ZDBF2: variants seen among roughly 807,000 people sequenced by gnomAD.
ZDBF2 encodes DBF4-type zinc finger-containing protein 2.
Under a neutral mutation model 9.4 loss-of-function variants are expected in ZDBF2, and 6 were observed. That is an observed-to-expected ratio of 0.64 (90% confidence interval 0.35 to 1.27). The LOEUF (loss-of-function observed/expected upper bound fraction) is 1.27, where lower values mean the gene tolerates loss of function less well. Ranked by LOEUF, ZDBF2 falls within the 50% of genes most tolerant of loss-of-function variation. The pLI is 0.03. For missense variants in ZDBF2, 2,697 were observed against 2,766.8 expected, an observed-to-expected ratio of 0.97 and a Z score of 0.57; for synonymous variants, 905 against 946.3, an observed-to-expected ratio of 0.96 and a Z score of 0.80.
At chr2:206,293,975 A>G (rs1368952343) in intron 3 of ZDBF2, among the ~76,000 whole-genome samples, 1 of 152,194 alleles carries the variant, frequency 6.6e-6, no homozygotes, top group Admixed American at 6.5e-5. Context: ...AGTAATAGCC[A>G]AAAGCTAGAA....
At chr2:206,289,391 C>T (rs1170036320) in intron 3 of ZDBF2, among the ~76,000 whole-genome samples, 1 of 152,112 alleles carries the variant, frequency 6.6e-6, no homozygotes, top group African/African-American at 2.4e-5. Flanking sequence ...CTTCTTTGAG[C>T]CGCTGAGGTA....
intron 3 of ZDBF2, 37 bp downstream of exon 3, chr2:206,281,946 G>T (rs765281261): frequency 6.4e-7 from 1 of 1,551,976 alleles, no homozygotes; most frequent in South Asian, 1.2e-5. Flanking sequence ...TATCTCAAAG[G>T]ACCTAGTTGT....
rs1284779814 is a variant in ZDBF2, at chr2:206,306,466, A to G, written c.1938A>G (p.Ile646Met). ...ADESQRAVEK[I>M]NLLKEKNADL... The stretch of plus-strand genomic sequence containing the variant: ...AATCCCAGAGGGCTGTTGAAAAGAT[A>G]AATCTTCTGAAGGAGAAGAATGCTG... Residue 646 changes from isoleucine to methionine, a missense_variant, in exon 5 of 5, where the codon ATA becomes ATG. Transcript: ENST00000374423. 2 of 1,613,860 alleles carry G rather than the reference A, an allele frequency of 1.2e-6. No homozygotes were observed. Among genetic ancestry groups the G allele is most frequent in the South Asian group, 2.2e-5 (2 of 91,086 alleles).
In ZDBF2 at chr2:206,309,006, C is replaced by G; in HGVS notation, c.4478C>G (p.Pro1493Arg). 1 of 1,613,816 alleles carries G rather than the reference C, an allele frequency of 6.2e-7. No individual in the cohort carries two copies. The highest frequency in any genetic ancestry group is 8.5e-7 in the Non-Finnish European group (1 of 1,179,852). ...HVVMEEKTDQ[P>R]SDSEMMYDSD... ...GTCATGGAAGAAAAGACCGATCAAC[C>G]TAGTGATTCAGAAATGATGTATGAT... The change falls in exon 5 of 5, where the codon CCT becomes CGT. Residue 1493 changes from proline (P) to arginine (R), a missense_variant. Pro to Arg is a moderately radical substitution (Grantham distance 103, BLOSUM62 -2). Transcript: ENST00000374423.
At position 206,306,355 on chromosome 2, in the gene ZDBF2, A is replaced by T. The variant is rs1405751140; in HGVS notation, c.1827A>T (p.Gln609His). The T allele has an allele frequency of 6.2e-7, 1 of 1,613,828 alleles. No homozygotes were observed. The highest frequency in any genetic ancestry group is 2.2e-5 in the East Asian group (1 of 44,882). The change falls in exon 5 of 5, where the codon CAA becomes CAT. Residue 609 changes from glutamine (Q) to histidine (H), a missense_variant. Transcript: ENST00000374423. ...AAGGAAGAAACCTGAAAGGTAGACA[A>T]GTCCACCTAAAACATAAGAAGCGTA... ...TVKGRNLKGR[Q>H]VHLKHKKRKP...
intron 3 of ZDBF2, among the ~76,000 whole-genome samples, chr2:206,283,388 T>G (rs373933993): frequency 0.015 from 2,133 of 146,752 alleles, 34 homozygotes; most frequent in Non-Finnish European, 0.022. Context: ...GTTTTGTTTT[T>G]TGTTGTTGTT....
chr2:206,294,731 G>A (rs1692079076), intron 3 of ZDBF2, among the ~76,000 whole-genome samples: 2 of 152,228 alleles, frequency 1.3e-5, no homozygotes, highest in South Asian at 2.1e-4. Flanking sequence ...CCACTTAAAA[G>A]TGAGAATATG....
chr2:206,308,590 G>C lies in ZDBF2; in HGVS notation c.4062G>C (p.Leu1354=). 4 of 1,613,474 alleles carry C rather than the reference G, an allele frequency of 2.5e-6. No individual in the cohort carries two copies. Among genetic ancestry groups the C allele is most frequent in the Non-Finnish European group, 3.4e-6 (4 of 1,179,850 alleles). ...TTTTGGAAGAGGAGCATGCCAGTCT[G>C]GAAGATAAGAGCAGTAATTCTTATA... The part of the protein sequence containing the change: ...PHILEEEHAS[L]EDKSSNSYSP... Residue 1354 remains leucine (L), a synonymous_variant, in exon 5 of 5, where the codon CTG becomes CTC. Coordinates refer to ENST00000374423, the MANE Select transcript of ZDBF2 (RefSeq NM_020923.3).
rs2105950649 is a variant in ZDBF2 at position 206,305,406 on chromosome 2, G to T, written c.878G>T (p.Gly293Val). Reference protein sequence around the residue: ...SAGLKFHERMGTKGSLRVKSP... With the variant: ...SAGLKFHERMVTKGSLRVKSP... Reference sequence around the variant, plus strand: ...GGCTTGAAATTCCATGAACGCATGGGTACTAAGGGCTCCTTAAGAGTTAAA... The same window carrying T: ...GGCTTGAAATTCCATGAACGCATGGTTACTAAGGGCTCCTTAAGAGTTAAA... The change falls in exon 5 of 5, where the codon GGT (glycine) becomes GTT (valine). Residue 293 changes from glycine (G) to valine (V), a missense_variant. Around this residue, in one of 3 missense-constraint regions of ZDBF2, gnomAD observed 910 missense variants for 973.6 expected, o/e 0.93. Transcript: ENST00000374423. 1 of 1,613,516 alleles carries T rather than the reference G, an allele frequency of 6.2e-7. No homozygotes were observed. The highest frequency in any genetic ancestry group is 8.5e-7 in the Non-Finnish European group (1 of 1,179,724).
Position 206,311,742 on chromosome 2 carries a change from T to C in ZDBF2, c.*149T>C, listed in dbSNP as rs1310234713. ...ATATTATTTTTCAGAATTTTTATAT[T>C]CATTTAAAATTAGTGTTTAGAGTCC... On this transcript the variant is annotated 3_prime_UTR_variant, in exon 5 of 5. Coordinates refer to ENST00000374423, the MANE Select transcript of ZDBF2 (RefSeq NM_020923.3). 3 of 844,730 alleles carry C rather than the reference T, an allele frequency of 3.6e-6. No individual in the cohort carries two copies. Among genetic ancestry groups the C allele is most frequent in the Non-Finnish European group, 4.8e-6 (3 of 621,600 alleles). 52.3% of individuals were successfully genotyped at this position (844,730 alleles called of 1,614,324 possible). A position where few individuals can be genotyped will look rare whatever the true frequency, so the allele number is the denominator to read the frequency against.
At chr2:206,300,044 G>A (rs1692419492) in intron 4 of ZDBF2, among the ~76,000 whole-genome samples, 1 of 152,004 alleles carries the variant, frequency 6.6e-6, no homozygotes, top group Non-Finnish European at 1.5e-5. Context: ...TGGAGGCGGA[G>A]GTTGCGGTGA....
chr2:206,303,171 C>T (rs1193166076), intron 4 of ZDBF2, among the ~76,000 whole-genome samples: 1 of 151,272 alleles, frequency 6.6e-6, no homozygotes, highest in African/African-American at 2.4e-5. Flanking sequence ...CAGGATACCA[C>T]ATTACATTAA....
chr2:206,308,785 G>T lies in ZDBF2; in HGVS notation c.4257G>T (p.Gln1419His), dbSNP rs1242203648. Residue 1419 changes from glutamine (Q) to histidine (H), a missense_variant, in exon 5 of 5, where the codon CAG becomes CAT. Gln to His is a conservative substitution (Grantham distance 24). Coordinates refer to ENST00000374423, the MANE Select transcript of ZDBF2 (RefSeq NM_020923.3). ...DVSYASHIPV[Q>H]FVTDQSSVPV... ...GTTATGCTTCTCATATTCCTGTTCA[G>T]TTTGTGACTGATCAATCTTCTGTAC... The T allele has an allele frequency of 6.2e-7, 1 of 1,613,806 alleles. No homozygotes were observed. The highest frequency in any genetic ancestry group is 1.3e-5 in the African/African-American group (1 of 75,048).
In ZDBF2 at chr2:206,311,550, T is replaced by G. The variant is rs760607069; in HGVS notation, c.7022T>G (p.Met2341Arg). The G allele has an allele frequency of 6.5e-7, 1 of 1,534,570 alleles. No homozygotes were observed. Among genetic ancestry groups the G allele is most frequent in the Non-Finnish European group, 8.7e-7 (1 of 1,142,928 alleles). The change falls in exon 5 of 5, where the codon ATG becomes AGG. Residue 2341 changes from methionine to arginine, a missense_variant. By Grantham distance (91) the Met-to-Arg change is moderately conservative. This residue lies in a region of ZDBF2 where 1,783 missense variants were observed against 1,776.5 expected (regional missense o/e 1.00). Coordinates refer to ENST00000374423, the MANE Select transcript of ZDBF2 (RefSeq NM_020923.3). ...TGTTTACAACAACGTGAGAGAATGA[T>G]GACTCGGCTAGCAAACAAACTGAGA... ...SSCLQQRERM[M>R]TRLANKLRGN...
At chr2:206,288,983 A>G (rs772910924) in intron 3 of ZDBF2, among the ~76,000 whole-genome samples, 1 of 152,118 alleles carries the variant, frequency 6.6e-6, no homozygotes, top group Non-Finnish European at 1.5e-5. Context: ...CAGTACAACA[A>G]TGACTCCATT....
At chr2:206,280,582 A>G (rs1283431588) in intron 2 of ZDBF2, among the ~76,000 whole-genome samples, 1 of 152,216 alleles carries the variant, frequency 6.6e-6, no homozygotes, top group Non-Finnish European at 1.5e-5. Flanking sequence ...TGGAAAAGAG[A>G]CCAAATTTTA....
At position 206,309,715 on chromosome 2, in the gene ZDBF2, T is replaced by C; in HGVS notation, c.5187T>C (p.Arg1729=). Residue 1729 remains arginine, a synonymous_variant, in exon 5 of 5, where the codon CGT becomes CGC. Coordinates refer to ENST00000374423, the MANE Select transcript of ZDBF2 (RefSeq NM_020923.3). The stretch of plus-strand genomic sequence containing the variant: ...ATCGAAGGGCTGATAAAAAAAAACG[T>C]TCGAAGCTAAAACATAGAGATCTAG... ...ALHRRADKKK[R]SKLKHRDLEV... is the part of the protein sequence containing the mutation. 6.2e-7 allele frequency: 1 copy of C among 1,613,788 alleles called. No individual in the cohort carries two copies.
Position 206,311,321 on chromosome 2 carries a change from A to G in ZDBF2, c.6793A>G (p.Thr2265Ala). Residue 2265 changes from threonine (T) to alanine (A), a missense_variant, in exon 5 of 5, where the codon ACA (threonine) becomes GCA (alanine). Thr to Ala is a moderately conservative substitution (Grantham distance 58, BLOSUM62 0). Transcript: ENST00000374423. ...CAGTAGGCTAAAGAAGGCGAAGAGA[A>G]CAGCTAAAGTGCTTTTGAACTCTTC... ...VVSRLKKAKR[T>A]AKVLLNSSVP... is the part of the protein sequence containing the mutation. 2 of 1,604,866 alleles carry G rather than the reference A, an allele frequency of 1.2e-6. No individual in the cohort carries two copies. Among genetic ancestry groups the G allele is most frequent in the Non-Finnish European group, 1.7e-6 (2 of 1,175,032 alleles).
chr2:206,286,187 G>A (rs1304365337), intron 3 of ZDBF2, among the ~76,000 whole-genome samples: 5 of 152,158 alleles, frequency 3.3e-5, no homozygotes, highest in African/African-American at 1.2e-4. Context: ...GCTGTTGGTT[G>A]AAATCTTCTG....
Sources: gnomAD v4.1 joint callset for allele counts (sites outside exome capture counted in the v4.1 genomes callset) on GRCh38, gnomAD v4.1.1 for gene constraint, gnomAD v4.1.1 regional missense constraint, MANE v1.5 for transcripts, NCBI Gene and HGNC (gene_info 2026-07-23, HGNC 2026-07-21) for gene names.